RNGTT: variants seen among roughly 807,000 people sequenced by gnomAD.
The protein encoded by RNGTT is RNA guanylyltransferase and 5'-phosphatase.
RNGTT carries 33 observed loss-of-function variants against 79.3 expected under a neutral mutation model. The ratio of observed to expected loss-of-function variants is 0.42; its 90% CI spans 0.32 to 0.56. The LOEUF (loss-of-function observed/expected upper bound fraction) is 0.56, where lower values mean the gene tolerates loss of function less well. RNGTT is among the 20% of genes least tolerant of loss of function. The pLI, the probability that RNGTT is intolerant of heterozygous loss-of-function variation, is 0.17. For missense variants in RNGTT, 497 were observed against 739.1 expected (o/e 0.67, Z 3.80); for synonymous variants, 222 against 235.9 (o/e 0.94, Z 0.54).
At chr6:88,631,223 T>C (rs377308043) in intron 14 of RNGTT, among the ~76,000 whole-genome samples, 3 of 152,234 alleles carry the variant, frequency 2.0e-5, no homozygotes, top group African/African-American at 4.8e-5. Flanking sequence ...ACTTAGTTTG[T>C]AGCATGTACT....
intron 9 of RNGTT, 117 bp from the exon 10 acceptor site, chr6:88,849,943 A>T (rs1271325740): frequency 4.1e-6 from 4 of 986,652 alleles, no homozygotes; most frequent in African/African-American, 3.4e-5. Flanking sequence ...AACTTGATGA[A>T]ATTTCAAAGT....
At chr6:88,667,622 G>A (rs1164769586) in intron 14 of RNGTT, among the ~76,000 whole-genome samples, 8 of 152,106 alleles carry the variant, frequency 5.3e-5, no homozygotes, top group Non-Finnish European at 7.4e-5. Context: ...GAGAAAGCTC[G>A]TGAAGTAACC....
chr6:88,929,711 C>T (rs1784425021), intron 2 of RNGTT, among the ~76,000 whole-genome samples: 1 of 151,948 alleles, frequency 6.6e-6, no homozygotes, highest in Admixed American at 6.6e-5. Context: ...CAAGCAGCCA[C>T]CACCAATAAT....
intron 13 of RNGTT, among the ~76,000 whole-genome samples, chr6:88,744,096 A>C (rs1384272268): frequency 6.6e-6 from 1 of 152,156 alleles, no homozygotes; most frequent in African/African-American, 2.4e-5. Context: ...ATTTGTCACT[A>C]TACAATAAAT....
chr6:88,708,464 T>G (rs1355359094), intron 13 of RNGTT, among the ~76,000 whole-genome samples: 4 of 152,072 alleles, frequency 2.6e-5, no homozygotes, highest in Non-Finnish European at 5.9e-5. Context: ...CCACACCTTC[T>G]GTTTCTCTCT....
chr6:88,757,363 A>T (rs1370541918), intron 13 of RNGTT, among the ~76,000 whole-genome samples: 1 of 152,242 alleles, frequency 6.6e-6, no homozygotes, highest in Non-Finnish European at 1.5e-5. Flanking sequence ...AACAAAAAGC[A>T]TGATTTGGGT....
At chr6:88,877,392 A>C (rs1185255571) in intron 8 of RNGTT, among the ~76,000 whole-genome samples, 1 of 152,376 alleles carries the variant, frequency 6.6e-6, no homozygotes, top group African/African-American at 2.4e-5. Flanking sequence ...GAGGCACTAC[A>C]GATAGCGGCT....
chr6:88,874,219 T>C (rs1028509526), intron 8 of RNGTT, among the ~76,000 whole-genome samples: 1 of 152,140 alleles, frequency 6.6e-6, no homozygotes, highest in African/African-American at 2.4e-5. Context: ...ATATGTAAAA[T>C]ACAGCATTCT....
intron 6 of RNGTT, among the ~76,000 whole-genome samples, chr6:88,895,157 A>G (rs774798453): frequency 6.6e-6 from 1 of 151,986 alleles, no homozygotes; most frequent in African/African-American, 2.4e-5. Flanking sequence ...TCACAACAGA[A>G]ATGAGTGATC....
rs542565503 is a variant in RNGTT at position 88,881,437 on chromosome 6, T to C, written c.896+9058A>G. Reference sequence around the variant, plus strand: ...CCCAAAACTGCAGTTTTGGCTGATTTAATCTACACAAAAATGCTTGCTATG... The same window carrying C: ...CCCAAAACTGCAGTTTTGGCTGATTCAATCTACACAAAAATGCTTGCTATG... On this transcript the variant is annotated intron_variant, in intron 8 of 15. Transcript: ENST00000369485. Among the ~76,000 whole-genome samples, 8 of 152,074 alleles carry C rather than the reference T, an allele frequency of 5.3e-5. No individual in the cohort carries two copies. The South Asian group carries it at 1.7e-3, about 32-fold the overall frequency.
chr6:88,883,711 T>G (rs1427941337), intron 8 of RNGTT, among the ~76,000 whole-genome samples: 9 of 152,036 alleles, frequency 5.9e-5, no homozygotes, highest in African/African-American at 2.2e-4. Flanking sequence ...TATGAGAGAA[T>G]TCTTCTTCAA....
At chr6:88,746,614 G>A (rs554171107) in intron 13 of RNGTT, among the ~76,000 whole-genome samples, 1 of 152,130 alleles carries the variant, frequency 6.6e-6, no homozygotes, top group Non-Finnish European at 1.5e-5. Context: ...AGCAGTTCAC[G>A]ATGGGGTTTG....
At chr6:88,782,859 A>G (rs1219208059) in intron 12 of RNGTT, among the ~76,000 whole-genome samples, 2 of 152,168 alleles carry the variant, frequency 1.3e-5, no homozygotes, top group African/African-American at 2.4e-5. Flanking sequence ...CTTCACATTT[A>G]CGAGGATGCC....
At chr6:88,962,576 C>T (rs1044756119) in intron 1 of RNGTT, among the ~76,000 whole-genome samples, 120 of 152,168 alleles carry the variant, frequency 7.9e-4, no homozygotes, top group African/African-American at 2.7e-3. Flanking sequence ...CGTTGGAGAC[C>T]AGCCTGGTCA....
At chr6:88,842,908 G>GA (rs1781344543) in intron 11 of RNGTT, among the ~76,000 whole-genome samples, 1 of 151,572 alleles carries the variant, frequency 6.6e-6, no homozygotes, top group Non-Finnish European at 1.5e-5. Context: ...CTCGTCTCTA[G>GA]AAAAAAATAC....
intron 13 of RNGTT, among the ~76,000 whole-genome samples, chr6:88,700,124 C>T (rs1348427273): frequency 1.3e-5 from 2 of 152,100 alleles, no homozygotes; most frequent in Admixed American, 1.3e-4. Context: ...TCATGGTTCA[C>T]GGATCTTATC....
chr6:88,639,255 C>A (rs937562567), intron 14 of RNGTT, among the ~76,000 whole-genome samples: 9 of 151,834 alleles, frequency 5.9e-5, no homozygotes, highest in African/African-American at 1.7e-4. Flanking sequence ...AAGTAAGTAA[C>A]CCTTTTGGGT....
chr6:88,876,730 T>G (rs35405422), intron 8 of RNGTT, among the ~76,000 whole-genome samples: 14,489 of 152,288 alleles, frequency 0.095, 886 homozygotes, highest in Middle Eastern at 0.2. Flanking sequence ...AAAAAATGTT[T>G]GAAAATATTA....
intron 4 of RNGTT, among the ~76,000 whole-genome samples, chr6:88,922,314 A>G (rs1784187884): frequency 6.6e-6 from 1 of 152,140 alleles, no homozygotes; most frequent in South Asian, 2.1e-4. Context: ...TATAAAGATC[A>G]AATCAGAGTA....
Sources: gnomAD v4.1 joint callset for allele counts (sites outside exome capture counted in the v4.1 genomes callset) on GRCh38, gnomAD v4.1.1 for gene constraint, MANE v1.5 for transcripts, NCBI Gene and HGNC (gene_info 2026-07-23, HGNC 2026-07-21) for gene names.